The following MTMR10 variants were observed in gnomAD, a reference collection of about 807,000 sequenced individuals.
MTMR10 encodes the protein myotubularin related protein 10.
MTMR10 carries 56 observed loss-of-function variants against 88.1 expected under a neutral mutation model. That is an observed-to-expected ratio of 0.64 (90% CI 0.51 to 0.79). The LOEUF (loss-of-function observed/expected upper bound fraction) is 0.79, where lower values mean the gene tolerates loss of function less well. Ranked by LOEUF, MTMR10 falls within the 30% of genes least tolerant of loss-of-function variation. The pLI, the probability that MTMR10 is intolerant of heterozygous loss-of-function variation, is 0.00. For synonymous variants in MTMR10, 380 were observed against 340.9 expected (o/e 1.11, Z -1.26); for missense variants, 883 against 924.7 (o/e 0.95, Z 0.58).
At chr15:30,970,402 A>G (rs2063523339) in intron 5 of MTMR10, among the ~76,000 whole-genome samples, 1 of 152,110 alleles carries the variant, frequency 6.6e-6, no homozygotes, top group Non-Finnish European at 1.5e-5. Context: ...GAGACAGGCT[A>G]AAAAGTAGAG....
chr15:30,937,125 G>A (rs2062877529), downstream of MTMR10: 1 of 1,606,756 alleles, frequency 6.2e-7, no homozygotes, highest in Non-Finnish European at 8.5e-7. Context: ...CCAGCTGGTG[G>A]AAGTTAAAGG....
intron 5 of MTMR10, among the ~76,000 whole-genome samples, chr15:30,971,713 A>G (rs1262420883): frequency 6.6e-6 from 1 of 152,182 alleles, no homozygotes; most frequent in African/African-American, 2.4e-5. Context: ...ATTAAAAACA[A>G]CCTTTATTAT....
Position 30,940,027 on chromosome 15 carries a change from T to C in MTMR10, c.*1443A>G, listed in dbSNP as rs878899663. 1.7e-5 allele frequency: 17 copies of C among 976,590 alleles called. No individual in the cohort carries two copies. The highest frequency in any genetic ancestry group is 1.4e-4 in the South Asian group (3 of 21,112). 60.5% of individuals were successfully genotyped at this position (976,590 alleles called of 1,614,324 possible). ...AAAAGAAACAGCTATTCAGTACATATAAAGGTAAAATACAGTTATCTTGAA... is the reference window on the plus strand; with the variant it reads ...AAAAGAAACAGCTATTCAGTACATACAAAGGTAAAATACAGTTATCTTGAA... On this transcript the variant is annotated 3_prime_UTR_variant, in exon 16 of 16. Transcript: ENST00000435680.
chr15:30,949,250 C>T (rs2141001938), intron 12 of MTMR10: 1 of 152,270 alleles, frequency 6.6e-6, no homozygotes, highest in South Asian at 2.1e-4. Flanking sequence ...AATGTTATTC[C>T]CATTTCACTG....
intron 6 of MTMR10, among the ~76,000 whole-genome samples, chr15:30,965,036 T>G (rs2063456720): frequency 6.6e-6 from 1 of 152,198 alleles, no homozygotes; most frequent in Admixed American, 6.5e-5. Flanking sequence ...TTCAAAAGCA[T>G]GAGTCAACAA....
intron 7 of MTMR10, 32 bp from the exon 8 acceptor site, chr15:30,959,153 T>C (rs373662252): frequency 2.0e-6 from 3 of 1,534,398 alleles, no homozygotes; most frequent in African/African-American, 2.8e-5. Context: ...ATATGAGTGC[T>C]GTGCTAAAAG....
intron 14 of MTMR10, among the ~76,000 whole-genome samples, chr15:30,945,999 T>C (rs868209635): frequency 6.6e-6 from 1 of 152,204 alleles, no homozygotes; most frequent in African/African-American, 2.4e-5. Context: ...GTTGAGTTTC[T>C]TTGAGCCCTG....
intron 3 of MTMR10, 142 bp downstream of exon 3, chr15:30,976,677 A>T: frequency 1.0e-6 from 1 of 987,054 alleles, no homozygotes; most frequent in Non-Finnish European, 1.4e-6. Flanking sequence ...ACTTTACTTT[A>T]AATCTTAATA....
In MTMR10 at chr15:30,944,822, G is replaced by C. The variant is rs924287596; in HGVS notation, c.1549-1750C>G. ...GTCCAGGAGTTCAAGACCAGACTGGGCAACATGGCGAAACCCTGACTCTAC... is the reference window on the plus strand; with the variant it reads ...GTCCAGGAGTTCAAGACCAGACTGGCCAACATGGCGAAACCCTGACTCTAC... On this transcript the variant is annotated intron_variant, in intron 14 of 15. Transcript: ENST00000435680. Among the ~76,000 whole-genome samples the C allele has an allele frequency of 4.0e-5, 6 of 151,706 alleles. No homozygotes were observed. In the South Asian group the frequency reaches 1.0e-3, roughly 26 times the overall value.
rs905129756 is a variant in MTMR10, at chr15:30,964,075, G to A, written c.566-3002C>T. Among the ~76,000 whole-genome samples the A allele has an allele frequency of 1.7e-4, 26 of 151,560 alleles. 1 individual carries two copies. The highest frequency in any genetic ancestry group is 6.9e-3 in the Middle Eastern group (2 of 288). On this transcript the variant is annotated intron_variant, in intron 6 of 15. Transcript: ENST00000435680. ...AAGGGAATTTCCTTAACTGGATAGA[G>A]GGTGTTTATCAAAAAGACATAGCTA...
chr15:30,944,577 A>T (rs1019764324), intron 14 of MTMR10, among the ~76,000 whole-genome samples: 9 of 151,808 alleles, frequency 5.9e-5, no homozygotes, highest in African/African-American at 1.5e-4. Flanking sequence ...AAAAAAAAAA[A>T]AAAAAAATTT....
intron 13 of MTMR10, among the ~76,000 whole-genome samples, chr15:30,947,859 A>G (rs977296364): frequency 6.6e-6 from 1 of 152,178 alleles, no homozygotes; most frequent in Non-Finnish European, 1.5e-5. Context: ...CCTGGCCGGT[A>G]AGATATTTGT....
the MTMR10 span, chr15:30,925,874 C>T: frequency 6.2e-7 from 1 of 1,614,242 alleles, no homozygotes; most frequent in Non-Finnish European, 8.5e-7. Flanking sequence ...GCTGACCCCA[C>T]CACGGTCCTG....
chr15:30,923,272 A>G, the MTMR10 span, among the ~76,000 whole-genome samples: 1 of 152,016 alleles, frequency 6.6e-6, no homozygotes, highest in East Asian at 1.9e-4. Context: ...CTTCCTTACC[A>G]CTCGGTGTTT....
At chr15:30,927,171 T>C in the MTMR10 span, 1 of 954,900 alleles carries the variant, frequency 1.0e-6, no homozygotes, top group Non-Finnish European at 1.2e-6. Flanking sequence ...ATTGTGCCAC[T>C]GCACTCCAGT....
chr15:30,982,346 A>C (rs776116542), intron 2 of MTMR10, among the ~76,000 whole-genome samples: 1 of 152,244 alleles, frequency 6.6e-6, no homozygotes, highest in Non-Finnish European at 1.5e-5. Context: ...AGGTTACATA[A>C]GCTATTAACA....
intron 5 of MTMR10, among the ~76,000 whole-genome samples, chr15:30,972,851 G>C (rs755720623): frequency 6.6e-6 from 1 of 152,092 alleles, no homozygotes; most frequent in African/African-American, 2.4e-5. Context: ...CATTAAAATA[G>C]TGTAAACTGA....
rs777602430 is a variant in MTMR10 at position 30,941,442 on chromosome 15, C to T, written c.*28G>A. The T allele has an allele frequency of 3.2e-6, 5 of 1,576,502 alleles. No individual in the cohort carries two copies. The Admixed American group carries it at 5.5e-5, about 17-fold the overall frequency. On this transcript the variant is annotated 3_prime_UTR_variant, in exon 16 of 16. Transcript: ENST00000435680. ...TCAGAGGAAAAAAGTTGACAGCTTC[C>T]CTCAAAATGTTCAGAAAACACCCTA...
At position 30,967,912 on chromosome 15, in the gene MTMR10, A is replaced by G. The variant is rs1317889594; in HGVS notation, c.565+8T>C. Reference sequence around the variant, plus strand: ...ATTAGTCACAATATTTAATATTTTCATATTTACCTGAATTGTGGTATTTTT... The same window carrying G: ...ATTAGTCACAATATTTAATATTTTCGTATTTACCTGAATTGTGGTATTTTT... On this transcript the variant is annotated splice_region_variant and intron_variant, in intron 6 of 15. Coordinates refer to ENST00000435680, the MANE Select transcript of MTMR10 (RefSeq NM_017762.3). The G allele has an allele frequency of 6.5e-7, 1 of 1,530,582 alleles. No individual in the cohort carries two copies. The highest frequency in any genetic ancestry group is 8.9e-7 in the Non-Finnish European group (1 of 1,129,454). 94.8% of individuals were successfully genotyped at this position (1,530,582 alleles called of 1,614,324 possible).
Sources: allele counts gnomAD v4.1 joint callset (sites outside exome capture counted in the v4.1 genomes callset), GRCh38; gene constraint gnomAD v4.1.1; transcripts MANE v1.5; gene names NCBI Gene and HGNC (gene_info 2026-07-23, HGNC 2026-07-21).